Variants in CALCR observed in about 807,000 individuals in gnomAD.
CALCR encodes calcitonin receptor.
A neutral mutation model predicts 59.5 loss-of-function variants in CALCR; 47 were observed. The ratio of observed to expected loss-of-function variants is 0.79; its 90% CI spans 0.63 to 1.01. The LOEUF (loss-of-function observed/expected upper bound fraction) is 1.01, where lower values mean the gene tolerates loss of function less well. Among genes scored for constraint, CALCR ranks in the 50% least tolerant of loss-of-function variants. The pLI is 0.00. For missense variants in CALCR, 566 were observed against 597.1 expected, an observed-to-expected ratio of 0.95 and a Z score of 0.54; for synonymous variants, 213 against 211.3, an observed-to-expected ratio of 1.01 and a Z score of -0.07.
intron 5 of CALCR, among the ~76,000 whole-genome samples, chr7:93,473,585 C>A (rs1800602146): frequency 6.9e-6 from 1 of 144,590 alleles, no homozygotes; most frequent in Admixed American, 6.9e-5. Flanking sequence ...GTTTGGCCCC[C>A]CCCCCTTTTT....
intron 11 of CALCR, among the ~76,000 whole-genome samples, chr7:93,436,733 T>TG (rs1562973212): frequency 6.6e-6 from 1 of 152,328 alleles, no homozygotes; most frequent in Admixed American, 6.5e-5. Context: ...TGTGTCTTTT[T>TG]GGGGGGCCTC....
At chr7:93,426,620 A>G in intron 13 of CALCR, 31 bp from the exon 14 acceptor site, 2 of 1,150,612 alleles carry the variant, frequency 1.7e-6, no homozygotes, top group Non-Finnish European at 2.6e-6. Context: ...TTGTTTTTAT[A>G]TGATAGTCAG....
At chr7:93,437,637 T>A (rs1005928475) in intron 11 of CALCR, among the ~76,000 whole-genome samples, 1 of 150,430 alleles carries the variant, frequency 6.6e-6, no homozygotes, top group African/African-American at 2.4e-5. Flanking sequence ...ACTCACTAAT[T>A]GAGCTTGTGT....
At chr7:93,467,584 A>G (rs1800466147) in intron 7 of CALCR, among the ~76,000 whole-genome samples, 2 of 151,692 alleles carry the variant, frequency 1.3e-5, no homozygotes, top group African/African-American at 4.8e-5. Context: ...TTTGCGGTAA[A>G]GTATAGATGT....
chr7:93,487,789 T>A (rs913267696), intron 2 of CALCR, among the ~76,000 whole-genome samples: 1 of 151,434 alleles, frequency 6.6e-6, no homozygotes, highest in Non-Finnish European at 1.5e-5. Flanking sequence ...TCTTAACTGG[T>A]AAGTTCCTGT....
intron 8 of CALCR, among the ~76,000 whole-genome samples, chr7:93,456,018 A>G (rs1332502699): frequency 6.6e-6 from 1 of 152,112 alleles, no homozygotes; most frequent in Non-Finnish European, 1.5e-5. Context: ...TGTTGCTTGT[A>G]TATGGAGGAT....
At position 93,460,828 on chromosome 7, in the gene CALCR, C is replaced by T. The variant is rs778785070; in HGVS notation, c.641G>A (p.Arg214Lys). 27 of 1,606,374 alleles carry T rather than the reference C, an allele frequency of 1.7e-5. No homozygotes were observed. Among genetic ancestry groups the T allele is most frequent in the Middle Eastern group, 1.7e-4 (1 of 6,038 alleles). Reference protein sequence around the residue: ...EVVPNGELVRRDPVSCKILHF... With the variant: ...EVVPNGELVRKDPVSCKILHF... ...AAACTATGCAGTACTTACCGGGTCC[C>T]TTCGCACGAGCTCTCCATTGGGTAC... is the stretch of plus-strand genomic sequence containing the variant. Residue 214 changes from arginine to lysine, a missense_variant, in exon 8 of 14, where the codon AGG becomes AAG. Physicochemically the swap from Arg to Lys is conservative, Grantham distance 26 (BLOSUM62 2). Coordinates refer to ENST00000426151, the MANE Select transcript of CALCR (RefSeq NM_001742.4).
At chr7:93,545,186 A>T (rs533694467) in intron 2 of CALCR, among the ~76,000 whole-genome samples, 1 of 152,108 alleles carries the variant, frequency 6.6e-6, no homozygotes, top group African/African-American at 2.4e-5. Flanking sequence ...ATTCCAGTTG[A>T]TATTATTATC....
chr7:93,528,976 G>C (rs1788754570), intron 2 of CALCR, among the ~76,000 whole-genome samples: 1 of 152,146 alleles, frequency 6.6e-6, no homozygotes, highest in Non-Finnish European at 1.5e-5. Flanking sequence ...GTGCTCTATA[G>C]CTGTAGGCAT....
At chr7:93,501,324 T>C (rs1263519867) in intron 2 of CALCR, among the ~76,000 whole-genome samples, 1 of 152,118 alleles carries the variant, frequency 6.6e-6, no homozygotes, top group African/African-American at 2.4e-5. Flanking sequence ...AACTTGCATA[T>C]GACTCACCTT....
intron 3 of CALCR, among the ~76,000 whole-genome samples, chr7:93,480,933 T>A (rs1800781928): frequency 6.6e-6 from 1 of 151,796 alleles, no homozygotes; most frequent in Non-Finnish European, 1.5e-5. Flanking sequence ...GGGAGCATAT[T>A]TGAGGGTAAG....
chr7:93,466,504 T>G (rs1240859756), intron 7 of CALCR, among the ~76,000 whole-genome samples: 1 of 151,918 alleles, frequency 6.6e-6, no homozygotes, highest in Non-Finnish European at 1.5e-5. Context: ...TATAAAAATT[T>G]TATACAGCTT....
At chr7:93,472,037 G>A (rs1362892715) in intron 6 of CALCR, among the ~76,000 whole-genome samples, 7 of 151,770 alleles carry the variant, frequency 4.6e-5, no homozygotes, top group Admixed American at 4.6e-4. Flanking sequence ...TCCAGGAAAA[G>A]AGATGTTAGA....
chr7:93,531,752 C>CA (rs1788846065), intron 2 of CALCR, among the ~76,000 whole-genome samples: 2 of 151,858 alleles, frequency 1.3e-5, no homozygotes, highest in African/African-American at 4.8e-5. Flanking sequence ...TAAAAACAAA[C>CA]AAAAAGAAAA....
Position 93,471,260 on chromosome 7 carries a change from G to A in CALCR, c.429+1115C>T, listed in dbSNP as rs956923184. On this transcript the variant is annotated intron_variant, in intron 6 of 13. Coordinates refer to ENST00000426151, the MANE Select transcript of CALCR (RefSeq NM_001742.4). ...GTAACATCATAATCAACACTCATTC[G>A]GAAAATTCACTACTCTGTGACATAG... Among the ~76,000 whole-genome samples the A allele has an allele frequency of 9.9e-5, 15 of 151,782 alleles. 1 individual carries two copies. The highest frequency in any genetic ancestry group is 2.6e-4 in the Admixed American group (4 of 15,186).
At chr7:93,515,919 A>G (rs1197885759) in intron 2 of CALCR, among the ~76,000 whole-genome samples, 2 of 152,044 alleles carry the variant, frequency 1.3e-5, no homozygotes, top group Non-Finnish European at 2.9e-5. Context: ...TATTGTAAAA[A>G]TCTATGTATA....
chr7:93,459,403 A>T (rs1800272437), intron 8 of CALCR, among the ~76,000 whole-genome samples: 1 of 152,066 alleles, frequency 6.6e-6, no homozygotes, highest in African/African-American at 2.4e-5. Context: ...GATCTGTAAA[A>T]TGAGGAGTCA....
intron 13 of CALCR, among the ~76,000 whole-genome samples, chr7:93,428,932 G>C (rs1235769864): frequency 6.6e-6 from 1 of 152,116 alleles, no homozygotes; most frequent in African/African-American, 2.4e-5. Flanking sequence ...GTTTGCAAAA[G>C]TATGCAGCAT....
intron 5 of CALCR, among the ~76,000 whole-genome samples, chr7:93,475,296 A>G (rs988442258): frequency 6.6e-6 from 1 of 151,826 alleles, no homozygotes; most frequent in African/African-American, 2.4e-5. Context: ...AATCTGTTAC[A>G]AAGTTAAATA....
Sources: allele counts gnomAD v4.1 joint callset (sites outside exome capture counted in the v4.1 genomes callset), GRCh38; gene constraint gnomAD v4.1.1; transcripts MANE v1.5; gene names NCBI Gene and HGNC (gene_info 2026-07-23, HGNC 2026-07-21).